EXT1: variants seen among roughly 807,000 people sequenced by gnomAD.
EXT1 encodes exostosin glycosyltransferase 1, also known as exostosin-1.
A neutral mutation model predicts 82.5 loss-of-function variants in EXT1; 20 were observed. That is an observed-to-expected ratio of 0.24 (90% CI 0.17 to 0.35). The LOEUF is 0.35. Ranked by LOEUF, EXT1 falls within the 10% of genes least tolerant of loss-of-function variation. The pLI, the probability that EXT1 is intolerant of heterozygous loss-of-function variation, is 1.00. For synonymous variants in EXT1, 348 were observed against 350.8 expected, an observed-to-expected ratio of 0.99 and a Z score of 0.09; for missense variants, 757 against 936.5, an observed-to-expected ratio of 0.81 and a Z score of 2.50.
chr8:118,069,766 T>C (rs902456897), intron 1 of EXT1, among the ~76,000 whole-genome samples: 2 of 152,096 alleles, frequency 1.3e-5, no homozygotes, highest in African/African-American at 4.8e-5. Flanking sequence ...CTGGACATCA[T>C]GGACAGTACA....
intron 1 of EXT1, among the ~76,000 whole-genome samples, chr8:117,943,960 T>A (rs2129678832): frequency 6.6e-6 from 1 of 152,326 alleles, no homozygotes; most frequent in South Asian, 2.1e-4. Flanking sequence ...CCCCTCTGTA[T>A]GCGCCATAGG....
intron 1 of EXT1, among the ~76,000 whole-genome samples, chr8:117,846,562 G>T (rs1587008358): frequency 6.6e-6 from 1 of 152,188 alleles, no homozygotes; most frequent in Non-Finnish European, 1.5e-5. Context: ...CAGGGAGGGG[G>T]TGCAGGGGGA....
intron 1 of EXT1, among the ~76,000 whole-genome samples, chr8:117,951,076 G>A (rs958002589): frequency 2.0e-5 from 3 of 152,188 alleles, no homozygotes; most frequent in Non-Finnish European, 4.4e-5. Flanking sequence ...TTGTATTTGA[G>A]ATCATTTCCT....
At chr8:117,928,565 G>T (rs1464266815) in intron 1 of EXT1, among the ~76,000 whole-genome samples, 1 of 152,122 alleles carries the variant, frequency 6.6e-6, no homozygotes, top group Non-Finnish European at 1.5e-5. Context: ...ACTAAACAGA[G>T]AATGCAAAAT....
chr8:118,084,232 TAC>T, intron 1 of EXT1, among the ~76,000 whole-genome samples: 1 of 152,268 alleles, frequency 6.6e-6, no homozygotes, highest in Middle Eastern at 3.4e-3. Context: ...TCACAGAGTA[TAC>T]AGAGTTAAGA....
intron 9 of EXT1, among the ~76,000 whole-genome samples, chr8:117,805,390 T>C (rs534866885): frequency 2.0e-4 from 30 of 152,352 alleles, no homozygotes; most frequent in African/African-American, 6.7e-4. Context: ...GACTGTTCTA[T>C]ATTTGTGCCC....
At chr8:118,097,392 A>C (rs1586272178) in intron 1 of EXT1, among the ~76,000 whole-genome samples, 1 of 152,212 alleles carries the variant, frequency 6.6e-6, no homozygotes, top group Non-Finnish European at 1.5e-5. Context: ...GGTTGCAGTG[A>C]GCCCAGATCG....
intron 1 of EXT1, among the ~76,000 whole-genome samples, chr8:117,976,190 A>G (rs1413443313): frequency 6.6e-6 from 1 of 152,232 alleles, no homozygotes; most frequent in Non-Finnish European, 1.5e-5. Context: ...ATGAAGCACA[A>G]TTCTCAGTAT....
At chr8:117,980,910 G>A (rs558893329) in intron 1 of EXT1, among the ~76,000 whole-genome samples, 2 of 152,080 alleles carry the variant, frequency 1.3e-5, no homozygotes, top group African/African-American at 4.8e-5. Context: ...GCGTGAGCAC[G>A]GCAGGGCAGT....
intron 1 of EXT1, among the ~76,000 whole-genome samples, chr8:117,952,404 A>G (rs1259648722): frequency 1.3e-5 from 2 of 152,250 alleles, no homozygotes; most frequent in African/African-American, 2.4e-5. Flanking sequence ...AACAGCAGAA[A>G]AAGGAAGATG....
In EXT1 at chr8:117,827,133, GAT is replaced by G. The variant is rs1426975643; in HGVS notation, c.1284+3095_1284+3096del. ...AGAGTCACGCCCAGACAGCTTGTGA[GAT>G]TCTAGGTGGATATAATGTTTTTGGA... On this transcript the variant is annotated intron_variant, in intron 4 of 10. Transcript: ENST00000378204. Among the ~76,000 whole-genome samples the G allele has an allele frequency of 1.8e-4, 28 of 152,198 alleles. 2 individuals are homozygous for G. In the East Asian group the frequency reaches 2.3e-3, roughly 13 times the overall value.
At chr8:117,979,620 A>G (rs1815143483) in intron 1 of EXT1, among the ~76,000 whole-genome samples, 1 of 152,156 alleles carries the variant, frequency 6.6e-6, no homozygotes. Flanking sequence ...AACATGAAAA[A>G]GTCAGTTCCC....
intron 1 of EXT1, among the ~76,000 whole-genome samples, chr8:118,044,180 T>C (rs375839452): frequency 5.9e-5 from 9 of 152,346 alleles, no homozygotes; most frequent in East Asian, 3.9e-4. Flanking sequence ...ATAGCAACTA[T>C]ACAAAACTAC....
chr8:117,874,378 C>A (rs1032777061), intron 1 of EXT1, among the ~76,000 whole-genome samples: 1 of 151,944 alleles, frequency 6.6e-6, no homozygotes, highest in Non-Finnish European at 1.5e-5. Flanking sequence ...GAGTTCAAGA[C>A]CAGCCTGGCC....
intron 9 of EXT1, among the ~76,000 whole-genome samples, chr8:117,805,805 T>C (rs1413159681): frequency 6.6e-6 from 1 of 152,226 alleles, no homozygotes; most frequent in Non-Finnish European, 1.5e-5. Context: ...GTTAGCTATC[T>C]ACCCTCACTA....
Position 117,799,514 on chromosome 8 carries a change from G to A in EXT1, c.*198C>T. The A allele has an allele frequency of 1.6e-6, 1 of 613,470 alleles. No homozygotes were observed. Among genetic ancestry groups the A allele is most frequent in the Non-Finnish European group, 2.9e-6 (1 of 347,430 alleles). 38.0% of individuals were successfully genotyped at this position (613,470 alleles called of 1,614,324 possible). A position where few individuals can be genotyped will look rare whatever the true frequency, so the allele number is the denominator to read the frequency against. ...TGGGACACAGAAGCCAGTGAGGTGA[G>A]TTTGGAGCAGTCTGGTGCAGTCCCA... is the stretch of plus-strand genomic sequence containing the variant. On this transcript the variant is annotated 3_prime_UTR_variant, in exon 11 of 11. Coordinates refer to ENST00000378204, the MANE Select transcript of EXT1 (RefSeq NM_000127.3).
chr8:117,858,860 A>AG (rs1283323514), intron 1 of EXT1, among the ~76,000 whole-genome samples: 13 of 41,266 alleles, frequency 3.2e-4, no homozygotes, highest in African/African-American at 9.7e-4. Context: ...AAAGAAAGAA[A>AG]GAAAGAAAGA....
At chr8:117,972,903 G>A (rs1339480560) in intron 1 of EXT1, among the ~76,000 whole-genome samples, 1 of 152,100 alleles carries the variant, frequency 6.6e-6, no homozygotes, top group African/African-American at 2.4e-5. Context: ...CCTCCCACCA[G>A]ATCCCTCCCA....
In EXT1 at chr8:117,807,239, T is replaced by G; in HGVS notation, c.1861A>C (p.Thr621Pro). 6.2e-7 allele frequency: 1 copy of G among 1,614,224 alleles called. No individual in the cohort carries two copies. Among genetic ancestry groups the G allele is most frequent in the Non-Finnish European group, 8.5e-7 (1 of 1,180,046 alleles). ...CACTTGTGGTAAATAGCAGCTCCTG[T>G]CAACACCATGGAGTAGTCGTTCGTC... is the stretch of plus-strand genomic sequence containing the variant. ...KWTNDYSMVLTGAAIYHKYYH... is the reference protein window; with the variant it reads ...KWTNDYSMVLPGAAIYHKYYH... The change falls in exon 9 of 11, where the codon ACA becomes CCA. Residue 621 changes from threonine (T) to proline (P), a missense_variant. Thr to Pro is a conservative substitution (Grantham distance 38). Around this residue, in one of 4 missense-constraint regions of EXT1, gnomAD observed 128 missense variants for 223.2 expected, o/e 0.57. Coordinates refer to ENST00000378204, the MANE Select transcript of EXT1 (RefSeq NM_000127.3).
Sources: allele counts gnomAD v4.1 joint callset (sites outside exome capture counted in the v4.1 genomes callset), GRCh38; gene constraint gnomAD v4.1.1; regional missense constraint gnomAD v4.1.1; transcripts MANE v1.5; gene names NCBI Gene and HGNC (gene_info 2026-07-23, HGNC 2026-07-21).